The following INIP variants were observed in gnomAD, a reference collection of about 807,000 sequenced individuals.
INIP encodes the protein INTS3 and NABP interacting protein, also known as SOSS complex subunit C.
INIP carries 9 observed loss-of-function variants against 14.0 expected under a neutral mutation model. The observed-to-expected ratio is 0.64, with a 90% CI of 0.39 to 1.12. INIP has a LOEUF of 1.12. Among genes scored for constraint, INIP ranks in the 50% most tolerant of loss-of-function variants. The probability of loss-of-function intolerance (pLI) is 0.01; values close to 1 mark genes in which losing one functional copy is unlikely to be tolerated. For missense variants in INIP, 78 were observed against 122.7 expected (o/e 0.64, Z 1.72); for synonymous variants, 37 against 41.5 (o/e 0.89, Z 0.41).
At chr9:112,688,627 T>A (rs1388550553) in intron 4 of INIP, among the ~76,000 whole-genome samples, 1 of 151,938 alleles carries the variant, frequency 6.6e-6, no homozygotes, top group African/African-American at 2.4e-5. Flanking sequence ...TTGAGACCAG[T>A]CTGGGCAACA....
chr9:112,716,302 A>G (rs1272929120), intron 2 of INIP, among the ~76,000 whole-genome samples, 159 bp downstream of exon 2: 1 of 152,098 alleles, frequency 6.6e-6, no homozygotes, highest in Non-Finnish European at 1.5e-5. Context: ...TTGGCCTCCC[A>G]AAGTACTGGG....
chr9:112,702,822 CAA>C (rs1272650458), intron 2 of INIP, among the ~76,000 whole-genome samples: 2 of 152,120 alleles, frequency 1.3e-5, no homozygotes, highest in East Asian at 3.9e-4. Context: ...CTCAGCCTCC[CAA>C]AGTGCTGGGA....
intron 2 of INIP, among the ~76,000 whole-genome samples, chr9:112,714,287 A>G (rs1259024874): frequency 2.0e-5 from 3 of 152,178 alleles, no homozygotes; most frequent in Non-Finnish European, 4.4e-5. Flanking sequence ...CAGAACAGAG[A>G]TGAGTAATTT....
intron 2 of INIP, among the ~76,000 whole-genome samples, chr9:112,699,982 A>G (rs1204068100): frequency 6.6e-6 from 1 of 152,248 alleles, no homozygotes; most frequent in Non-Finnish European, 1.5e-5. Flanking sequence ...CAAACAACCT[A>G]GTAAGTATTT....
intron 2 of INIP, among the ~76,000 whole-genome samples, chr9:112,702,534 C>T (rs1422470522): frequency 6.6e-6 from 1 of 152,036 alleles, no homozygotes; most frequent in Admixed American, 6.6e-5. Context: ...GTGCAAAACG[C>T]TCATGTTCCA....
intron 2 of INIP, among the ~76,000 whole-genome samples, chr9:112,705,914 G>A (rs558509306): frequency 1.3e-5 from 2 of 152,286 alleles, no homozygotes; most frequent in South Asian, 2.1e-4. Flanking sequence ...GCAATGGGGA[G>A]CTACTCAGAG....
At chr9:112,715,121 TACATACATACATACAC>T (rs1172140486) in intron 2 of INIP, among the ~76,000 whole-genome samples, 23 of 106,826 alleles carry the variant, frequency 2.2e-4, no homozygotes, top group African/African-American at 8.7e-4. Context: ...AATACACACA[TACATACATACATACAC>T]ACACACACAC....
chr9:112,689,601 G>T lies in INIP; in HGVS notation c.145C>A (p.Pro49Thr), dbSNP rs766469394. 1.9e-6 allele frequency: 3 copies of T among 1,614,026 alleles called. No homozygotes were observed. The highest frequency in any genetic ancestry group is 2.5e-6 in the Non-Finnish European group (3 of 1,179,886). ...HPGASIALSR[P>T]SLNKDFRDHA... ...TCCCGGAAGTCCTTATTAAGAGAGG[G>T]TCTCGAGAGTGCAATGCTAAAATGG... Residue 49 changes from proline to threonine, a missense_variant, in exon 4 of 5, where the codon CCC (proline) becomes ACC (threonine). Pro to Thr is a conservative substitution (Grantham distance 38). Transcript: ENST00000374242.
intron 1 of INIP, among the ~76,000 whole-genome samples, chr9:112,717,090 T>C (rs765838521): frequency 4.6e-5 from 7 of 152,234 alleles, no homozygotes; most frequent in Non-Finnish European, 7.3e-5. Flanking sequence ...CAGATGTTCA[T>C]ACCATTTAGC....
At chr9:112,710,220 CATGCTGA>C (rs562130869) in intron 2 of INIP, among the ~76,000 whole-genome samples, 38 of 152,326 alleles carry the variant, frequency 2.5e-4, no homozygotes, top group African/African-American at 9.1e-4. Flanking sequence ...TCCTATGCAG[CATGCTGA>C]AATCACAGCT....
At chr9:112,715,047 C>G (rs568597022) in intron 2 of INIP, among the ~76,000 whole-genome samples, 2 of 151,632 alleles carry the variant, frequency 1.3e-5, no homozygotes, top group South Asian at 2.1e-4. Context: ...AACACTTATT[C>G]TATTTTATGA....
At position 112,686,270 on chromosome 9, in the gene INIP, T is replaced by G. The variant is rs966490876; in HGVS notation, c.*1268A>C. On this transcript the variant is annotated 3_prime_UTR_variant, in exon 5 of 5. Coordinates refer to ENST00000374242, the MANE Select transcript of INIP (RefSeq NM_021218.3). ...AGGGATCTACAAACCCATGCGTGTATAAATATATCACGAAAATCTGTACAA... is the reference window on the plus strand; with the variant it reads ...AGGGATCTACAAACCCATGCGTGTAGAAATATATCACGAAAATCTGTACAA... 2.2e-4 allele frequency: 34 copies of G among 152,194 alleles called. No homozygotes were observed. The highest frequency in any genetic ancestry group is 8.2e-4 in the African/African-American group (34 of 41,456). 9.4% of individuals were successfully genotyped at this position (152,194 alleles called of 1,614,324 possible).
chr9:112,717,555 C>T (rs1405918920), intron 1 of INIP, among the ~76,000 whole-genome samples: 1 of 151,996 alleles, frequency 6.6e-6, no homozygotes, highest in African/African-American at 2.4e-5. Context: ...AACAAACCCG[C>T]TCTTTAAAAG....
At chr9:112,714,606 AGT>A (rs1838747654) in intron 2 of INIP, among the ~76,000 whole-genome samples, 1 of 152,200 alleles carries the variant, frequency 6.6e-6, no homozygotes, top group African/African-American at 2.4e-5. Flanking sequence ...CTTCTTTAAA[AGT>A]GGTTCTGATT....
At chr9:112,715,656 C>T (rs375682621) in intron 2 of INIP, among the ~76,000 whole-genome samples, 59 of 151,902 alleles carry the variant, frequency 3.9e-4, no homozygotes, top group African/African-American at 1.3e-3. Flanking sequence ...GCCTGTAATC[C>T]CAGCTACTCG....
chr9:112,693,483 C>T (rs1162653270), intron 3 of INIP, among the ~76,000 whole-genome samples: 1 of 152,198 alleles, frequency 6.6e-6, no homozygotes, highest in Non-Finnish European at 1.5e-5. Context: ...GTTTGTTCCA[C>T]ATTTATTGTT....
chr9:112,685,644 G>A lies in INIP; in HGVS notation c.*1894C>T, dbSNP rs1269152830. 1 of 152,194 alleles carries A rather than the reference G, an allele frequency of 6.6e-6. No homozygotes were observed. The highest frequency in any genetic ancestry group is 1.5e-5 in the Non-Finnish European group (1 of 68,016). The allele number at this position is 152,194 out of a possible 1,614,324, so 9.4% of individuals were successfully genotyped here. ...TCAATAGTGTAGAAAATATACTAAT[G>A]TGTTATCTCCTTAGAGACAGATTTA... On this transcript the variant is annotated 3_prime_UTR_variant, in exon 5 of 5. Coordinates refer to ENST00000374242, the MANE Select transcript of INIP (RefSeq NM_021218.3).
At chr9:112,697,374 G>A (rs187962665) in intron 2 of INIP, among the ~76,000 whole-genome samples, 1 of 152,310 alleles carries the variant, frequency 6.6e-6, no homozygotes, top group East Asian at 1.9e-4. Context: ...AGGTTGTTTG[G>A]ACCTGACTAT....
At position 112,686,549 on chromosome 9, in the gene INIP, T is replaced by G. The variant is rs1837674070; in HGVS notation, c.*989A>C. 6.6e-6 allele frequency: 1 copy of G among 152,210 alleles called. No individual in the cohort carries two copies. Among genetic ancestry groups the G allele is most frequent in the Non-Finnish European group, 1.5e-5 (1 of 68,056 alleles). The allele number at this position is 152,210 out of a possible 1,614,324, so 9.4% of individuals were successfully genotyped here. A position where few individuals can be genotyped will look rare whatever the true frequency, so the allele number is the denominator to read the frequency against. On this transcript the variant is annotated 3_prime_UTR_variant, in exon 5 of 5. Transcript: ENST00000374242. ...AGACTCACTGTCACCCAGGCTGGAG[T>G]GCAGTGACACCGTCTCAGCTCACTG...
Sources: gnomAD v4.1 joint callset for allele counts (sites outside exome capture counted in the v4.1 genomes callset) on GRCh38, gnomAD v4.1.1 for gene constraint, MANE v1.5 for transcripts, NCBI Gene and HGNC (gene_info 2026-07-23, HGNC 2026-07-21) for gene names.